RTTN: variants seen among roughly 807,000 people sequenced by gnomAD.
The protein encoded by RTTN is rotatin.
A neutral mutation model predicts 269.2 loss-of-function variants in RTTN; 182 were observed. The observed-to-expected ratio is 0.68, with a 90% CI of 0.60 to 0.76. The LOEUF (loss-of-function observed/expected upper bound fraction) is 0.76, where lower values mean the gene tolerates loss of function less well. Among genes scored for constraint, RTTN ranks in the 30% least tolerant of loss-of-function variants. The pLI is 0.00. For synonymous variants in RTTN, 1,006 were observed against 963.5 expected, an observed-to-expected ratio of 1.04 and a Z score of -0.82; for missense variants, 2,545 against 2,608.6, an observed-to-expected ratio of 0.98 and a Z score of 0.53.
At chr18:70,164,210 CTTT>C (rs71178854) in intron 14 of RTTN, among the ~76,000 whole-genome samples, 97,381 of 142,162 alleles carry the variant, frequency 0.69, 38,425 homozygotes, top group East Asian at 0.98. Context: ...AAATTTTTTC[CTTT>C]TTTTTTTTTT....
intron 41 of RTTN, among the ~76,000 whole-genome samples, chr18:70,030,490 A>C (rs1435778854): frequency 6.6e-6 from 1 of 152,206 alleles, no homozygotes; most frequent in Non-Finnish European, 1.5e-5. Context: ...ATTTATACGA[A>C]AATATGGAAT....
At chr18:70,137,690 T>C (rs2060157279) in intron 21 of RTTN, among the ~76,000 whole-genome samples, 1 of 152,134 alleles carries the variant, frequency 6.6e-6, no homozygotes, top group Non-Finnish European at 1.5e-5. Context: ...GAACTCCTAC[T>C]CATTTCTGAA....
At chr18:70,040,919 T>C (rs1003046592) in intron 40 of RTTN, among the ~76,000 whole-genome samples, 4 of 152,264 alleles carry the variant, frequency 2.6e-5, no homozygotes, top group South Asian at 4.1e-4. Flanking sequence ...AAAAATTTCT[T>C]GAAACAAATG....
intron 17 of RTTN, among the ~76,000 whole-genome samples, chr18:70,147,780 G>A (rs1213840706): frequency 1.3e-5 from 2 of 152,098 alleles, no homozygotes; most frequent in East Asian, 1.9e-4. Flanking sequence ...GCCTTAGAAT[G>A]TCTTTATTAA....
At position 70,148,122 on chromosome 18, in the gene RTTN, C is replaced by T. The variant is rs148586495; in HGVS notation, c.2309+779G>A. Among the ~76,000 whole-genome samples, 953 of 152,226 alleles carry T rather than the reference C, an allele frequency of 6.3e-3. 4 individuals carry two copies. Among genetic ancestry groups the T allele is most frequent in the Middle Eastern group, 0.01 (3 of 294 alleles). ...CAATGATCTGTCTATAAATAAGCTG[C>T]TGTATTTTCCTGATGTAAGGTTTGG... On this transcript the variant is annotated intron_variant, in intron 17 of 48. Coordinates refer to ENST00000640769, the MANE Select transcript of RTTN (RefSeq NM_173630.4).
chr18:70,174,996 C>T (rs1469981885), intron 11 of RTTN, among the ~76,000 whole-genome samples: 1 of 145,530 alleles, frequency 6.9e-6, no homozygotes, highest in Non-Finnish European at 1.5e-5. Context: ...CCACTGCACT[C>T]CAGCCTGGGT....
intron 9 of RTTN, among the ~76,000 whole-genome samples, chr18:70,189,100 A>G (rs1198578023): frequency 6.6e-6 from 1 of 152,232 alleles, no homozygotes; most frequent in Non-Finnish European, 1.5e-5. Flanking sequence ...TTTAAAGCAA[A>G]TTAAGGAAAG....
intron 43 of RTTN, among the ~76,000 whole-genome samples, chr18:70,025,542 A>G (rs980278855): frequency 6.6e-6 from 1 of 152,184 alleles, no homozygotes; most frequent in Non-Finnish European, 1.5e-5. Flanking sequence ...ACGATTTCAC[A>G]TAGCATCAAG....
intron 40 of RTTN, among the ~76,000 whole-genome samples, chr18:70,038,942 C>A (rs1435311828): frequency 6.6e-6 from 1 of 151,914 alleles, no homozygotes; most frequent in East Asian, 1.9e-4. Flanking sequence ...GGCATACTGA[C>A]AAATACATCA....
At position 70,067,438 on chromosome 18, in the gene RTTN, C is replaced by T. The variant is rs373751681; in HGVS notation, c.4654-1516G>A. Among the ~76,000 whole-genome samples, 20 of 152,292 alleles carry T rather than the reference C, an allele frequency of 1.3e-4. No individual in the cohort carries two copies. In the East Asian group the frequency reaches 3.1e-3, roughly 24 times the overall value. On this transcript the variant is annotated intron_variant, in intron 34 of 48. Coordinates refer to ENST00000640769, the MANE Select transcript of RTTN (RefSeq NM_173630.4). ...CCTCCCAAAGTGCTGGGATTACAGG[C>T]GTGAGCCACCGCGCCCAGCAAGCTT...
At chr18:70,202,079 G>T in intron 3 of RTTN, 96 bp from the exon 4 acceptor site, 1 of 636,950 alleles carries the variant, frequency 1.6e-6, no homozygotes. Context: ...CTTAAGTATT[G>T]GAATCATTTT....
intron 40 of RTTN, among the ~76,000 whole-genome samples, chr18:70,041,393 C>CAT (rs941889597): frequency 7.3e-5 from 11 of 151,598 alleles, no homozygotes; most frequent in African/African-American, 2.4e-4. Flanking sequence ...CACACACACA[C>CAT]ACACACACAA....
intron 35 of RTTN, among the ~76,000 whole-genome samples, chr18:70,065,270 T>TAAAAAAAAAA (rs61422284): frequency 2.3e-5 from 3 of 132,930 alleles, no homozygotes; most frequent in Non-Finnish European, 3.1e-5. Flanking sequence ...CTCTAGAATT[T>TAAAAAAAAAA]AAAAAAAAAA....
At chr18:70,117,233 A>G (rs2059624636) in intron 26 of RTTN, among the ~76,000 whole-genome samples, 1 of 152,052 alleles carries the variant, frequency 6.6e-6, no homozygotes, top group African/African-American at 2.4e-5. Context: ...CTTTTCATGT[A>G]TGTCCATACA....
At chr18:70,083,614 C>CT (rs1348343183) in intron 32 of RTTN, among the ~76,000 whole-genome samples, 1 of 151,908 alleles carries the variant, frequency 6.6e-6, no homozygotes, top group Non-Finnish European at 1.5e-5. Context: ...TTATTTAATA[C>CT]TTTAAAAAAA....
intron 40 of RTTN, among the ~76,000 whole-genome samples, chr18:70,046,034 T>A (rs953850240): frequency 6.6e-6 from 1 of 151,970 alleles, no homozygotes; most frequent in African/African-American, 2.4e-5. Flanking sequence ...GCAAGGTAAA[T>A]TTCACAAATT....
chr18:70,006,416 C>A lies in RTTN; in HGVS notation c.6490G>T (p.Ala2164Ser). 1.9e-6 allele frequency: 3 copies of A among 1,613,908 alleles called. No individual in the cohort carries two copies. The highest frequency in any genetic ancestry group is 2.5e-6 in the Non-Finnish European group (3 of 1,179,768). ...TTGTAAATCAGAGCCCAAAGGGCAG[C>A]TGCTCCAATCCTCTGAGCATTTTGA... ...ENQNAQRIGA[A>S]ALWALIYNYQ... The change falls in exon 47 of 49, where the codon GCT becomes TCT. Residue 2164 changes from alanine to serine, a missense_variant. By Grantham distance (99) the Ala-to-Ser change is moderately conservative. Transcript: ENST00000640769.
At position 70,005,186 on chromosome 18, in the gene RTTN, A is replaced by C; in HGVS notation, c.6595+12T>G. 6.3e-7 allele frequency: 1 copy of C among 1,590,898 alleles called. No individual in the cohort carries two copies. The highest frequency in any genetic ancestry group is 8.6e-7 in the Non-Finnish European group (1 of 1,163,672). On this transcript the variant is annotated intron_variant, in intron 48 of 48. Transcript: ENST00000640769. The stretch of plus-strand genomic sequence containing the variant: ...TGAGTTTAACTATAATCTCTTTCTT[A>C]TTGCAACTTACTTTTCTTTGCTAAG...
chr18:70,018,246 G>A (rs1204132057), intron 45 of RTTN, among the ~76,000 whole-genome samples: 1 of 152,116 alleles, frequency 6.6e-6, no homozygotes, highest in Non-Finnish European at 1.5e-5. Context: ...TTACAGATGA[G>A]AAAGCTCTAT....
Sources: gnomAD v4.1 joint callset for allele counts (sites outside exome capture counted in the v4.1 genomes callset) on GRCh38, gnomAD v4.1.1 for gene constraint, MANE v1.5 for transcripts, NCBI Gene and HGNC (gene_info 2026-07-23, HGNC 2026-07-21) for gene names.